The following ORC3 variants were observed in gnomAD, a reference collection of about 807,000 sequenced individuals.
ORC3 encodes homolog of latheo, Drosophila.
In ORC3, 78 loss-of-function variants were observed where a neutral mutation model predicts 100.7. The observed-to-expected ratio is 0.77, with a 90% confidence interval of 0.65 to 0.94. ORC3 has a LOEUF of 0.94. Among genes scored for constraint, ORC3 ranks in the 40% least tolerant of loss-of-function variants. The pLI is 0.00. For synonymous variants in ORC3, 295 were observed against 289.3 expected (o/e 1.02, Z -0.20); for missense variants, 789 against 823.9 (o/e 0.96, Z 0.52).
the ORC3 span, among the ~76,000 whole-genome samples, chr6:87,673,064 C>T: frequency 2.0e-5 from 3 of 151,472 alleles, no homozygotes; most frequent in Non-Finnish European, 4.4e-5. Context: ...TAATCAACTA[C>T]CGGACCCATC....
chr6:87,674,645 T>A, the ORC3 span, among the ~76,000 whole-genome samples: 65 of 148,154 alleles, frequency 4.4e-4, no homozygotes, highest in African/African-American at 1.4e-3. Flanking sequence ...TATATATATT[T>A]TTTTTTTTTT....
At chr6:87,602,963 A>ATATATATATATATATATG (rs1778061881) in intron 3 of ORC3, among the ~76,000 whole-genome samples, 1 of 56,746 alleles carries the variant, frequency 1.8e-5, no homozygotes, top group African/African-American at 7.2e-5. Context: ...TAATATATAT[A>ATATATATATATATATATG]TATATATACA....
chr6:87,626,068 A>G (rs1302142985), intron 11 of ORC3, among the ~76,000 whole-genome samples: 2 of 152,166 alleles, frequency 1.3e-5, no homozygotes, highest in East Asian at 1.9e-4. Context: ...TACCAGTACC[A>G]TGCTGTTTTG....
At chr6:87,610,284 C>T (rs929372410) in intron 7 of ORC3, among the ~76,000 whole-genome samples, 5 of 152,084 alleles carry the variant, frequency 3.3e-5, no homozygotes, top group Admixed American at 2.0e-4. Flanking sequence ...TCTCAACTCC[C>T]TGCCACCTCC....
At chr6:87,670,036 A>G (rs950688898), downstream of ORC3, among the ~76,000 whole-genome samples, 1 of 152,268 alleles carries the variant, frequency 6.6e-6, no homozygotes, top group Admixed American at 6.5e-5. Flanking sequence ...TTCACTGAGT[A>G]GAGTAAGTAG....
At chr6:87,648,381 A>G (rs904292709) in intron 13 of ORC3, among the ~76,000 whole-genome samples, 1 of 152,242 alleles carries the variant, frequency 6.6e-6, no homozygotes, top group Middle Eastern at 3.2e-3. Context: ...ACACAAATGT[A>G]TATTAAATAA....
chr6:87,610,155 G>A (rs1182521053), intron 7 of ORC3, among the ~76,000 whole-genome samples: 1 of 152,014 alleles, frequency 6.6e-6, no homozygotes, highest in Admixed American at 6.6e-5. Flanking sequence ...AATAGTTATA[G>A]CTACATTTGC....
intron 2 of ORC3, among the ~76,000 whole-genome samples, chr6:87,596,033 G>A (rs1463125203): frequency 1.3e-5 from 2 of 151,644 alleles, no homozygotes; most frequent in East Asian, 3.9e-4. Flanking sequence ...TAGAGACAGG[G>A]TCTCACTTTG....
chr6:87,658,389 G>T (rs761849966), intron 16 of ORC3, among the ~76,000 whole-genome samples: 2 of 151,822 alleles, frequency 1.3e-5, no homozygotes, highest in African/African-American at 4.8e-5. Flanking sequence ...CCCAGGAGGC[G>T]GAGCTTGCAG....
At chr6:87,603,350 C>G in intron 3 of ORC3, 34 bp from the exon 4 acceptor site, 1 of 1,159,882 alleles carries the variant, frequency 8.6e-7, no homozygotes, top group Non-Finnish European at 1.2e-6. Context: ...ATTATTATTT[C>G]TAATAATAAT....
At chr6:87,624,959 C>A (rs1321371141) in intron 11 of ORC3, among the ~76,000 whole-genome samples, 1 of 152,122 alleles carries the variant, frequency 6.6e-6, no homozygotes, top group Non-Finnish European at 1.5e-5. Flanking sequence ...GTTTTCTGTC[C>A]TTGTGATAGT....
At chr6:87,670,233 T>C (rs1770805326), downstream of ORC3, among the ~76,000 whole-genome samples, 2 of 152,134 alleles carry the variant, frequency 1.3e-5, no homozygotes, top group South Asian at 4.1e-4. Context: ...TGACACGATT[T>C]GGGCTCACTG....
chr6:87,636,427 A>C lies in ORC3; in HGVS notation c.1323A>C (p.Thr441=). Residue 441 remains threonine (T), a synonymous_variant, in exon 13 of 20, where the codon ACA becomes ACC. Transcript: ENST00000392844. ...LGRQIRELYC[T]CLEKNIWDSE... Reference sequence around the variant, plus strand: ...TACAGATCAGAGAGTTGTACTGTACATGTTTAGAAAAGAACATATGGGATT... The same window carrying C: ...TACAGATCAGAGAGTTGTACTGTACCTGTTTAGAAAAGAACATATGGGATT... 1 of 1,609,054 alleles carries C rather than the reference A, an allele frequency of 6.2e-7. No homozygotes were observed. The highest frequency in any genetic ancestry group is 8.5e-7 in the Non-Finnish European group (1 of 1,175,394).
At chr6:87,636,309 TA>T (rs1767822748) in intron 12 of ORC3, 97 bp from the exon 13 acceptor site, 1 of 712,076 alleles carries the variant, frequency 1.4e-6, no homozygotes, top group African/African-American at 1.8e-5. Context: ...TGACTTTTAA[TA>T]ACATTAATTT....
chr6:87,644,707 G>A (rs1768611387), intron 13 of ORC3, among the ~76,000 whole-genome samples: 1 of 152,100 alleles, frequency 6.6e-6, no homozygotes, highest in African/African-American at 2.4e-5. Flanking sequence ...AAATTAGCCT[G>A]GCGTGGTGGC....
chr6:87,625,220 A>G lies in ORC3; in HGVS notation c.1185+3207A>G, dbSNP rs192827161. ...CTTTGGGTATATACCCAGTAATGGG[A>G]TTGCTGGGTCAAATGGTATTTCTTG... On this transcript the variant is annotated intron_variant, in intron 11 of 19. Transcript: ENST00000392844. Among the ~76,000 whole-genome samples the G allele has an allele frequency of 1.4e-4, 21 of 152,238 alleles. No individual in the cohort carries two copies. The East Asian group carries it at 4.1e-3, about 29-fold the overall frequency.
chr6:87,655,469 A>C (rs1769607341), intron 14 of ORC3, among the ~76,000 whole-genome samples: 1 of 149,706 alleles, frequency 6.7e-6, no homozygotes. Context: ...CTCCCATCTT[A>C]GCCTCCCAAG....
chr6:87,634,693 G>C (rs1742312468), intron 11 of ORC3, 152 bp from the exon 12 acceptor site: 1 of 589,560 alleles, frequency 1.7e-6, no homozygotes, highest in African/African-American at 1.9e-5. Context: ...CTGTATTCTG[G>C]ATTTTATATG....
chr6:87,641,624 C>G (rs763243665), intron 13 of ORC3, among the ~76,000 whole-genome samples: 1 of 152,050 alleles, frequency 6.6e-6, no homozygotes, highest in Non-Finnish European at 1.5e-5. Flanking sequence ...ACTTACAAAT[C>G]GAAGGTGATT....
Sources: allele counts gnomAD v4.1 joint callset (sites outside exome capture counted in the v4.1 genomes callset), GRCh38; gene constraint gnomAD v4.1.1; transcripts MANE v1.5; gene names NCBI Gene and HGNC (gene_info 2026-07-23, HGNC 2026-07-21).